CRB1: variants seen among roughly 807,000 people sequenced by gnomAD.
The protein encoded by CRB1 is protein crumbs homolog 1.
Under a neutral mutation model 120.0 loss-of-function variants are expected in CRB1, and 83 were observed. The observed-to-expected ratio is 0.69, with a 90% confidence interval of 0.58 to 0.83. The LOEUF (loss-of-function observed/expected upper bound fraction) is 0.83. CRB1 is among the 40% of genes least tolerant of loss of function. The probability of loss-of-function intolerance (pLI) is 0.00; values close to 1 mark genes in which losing one functional copy is unlikely to be tolerated. For synonymous variants in CRB1, 625 were observed against 612.5 expected (o/e 1.02, Z -0.30); for missense variants, 1,699 against 1,687.6 (o/e 1.01, Z -0.12).
chr1:197,405,228 G>A (rs986488334), intron 5 of CRB1, among the ~76,000 whole-genome samples: 6 of 152,258 alleles, frequency 3.9e-5, no homozygotes, highest in Admixed American at 1.3e-4. Context: ...GGCGCGCGCC[G>A]CCACGCCTGA....
intron 1 of CRB1, among the ~76,000 whole-genome samples, chr1:197,283,337 A>G (rs1449479269): frequency 6.6e-6 from 1 of 151,506 alleles, no homozygotes. Flanking sequence ...TGGTGCACCC[A>G]TCACCTCAGC....
chr1:197,305,608 G>A (rs771249738), intron 1 of CRB1, among the ~76,000 whole-genome samples: 15 of 151,556 alleles, frequency 9.9e-5, no homozygotes, highest in East Asian at 1.9e-4. Flanking sequence ...TTTTATGAGC[G>A]TCCTTTTACA....
At position 197,421,490 on chromosome 1, in the gene CRB1, G is replaced by A. The variant is rs1331836407; in HGVS notation, c.1662G>A (p.Val554=). The A allele has an allele frequency of 6.2e-7, 1 of 1,614,188 alleles. No individual in the cohort carries two copies. The highest frequency in any genetic ancestry group is 1.7e-5 in the Admixed American group (1 of 60,024). Residue 554 remains valine, a synonymous_variant, in exon 6 of 12, where the codon GTG becomes GTA. Coordinates refer to ENST00000367400, the MANE Select transcript of CRB1 (RefSeq NM_201253.3). ...TTCAGGTCAATAATCAGTCAAAGGTGCTTCTGTTCATTTCCCACAACACCA... is the reference window on the plus strand; with the variant it reads ...TTCAGGTCAATAATCAGTCAAAGGTACTTCTGTTCATTTCCCACAACACCA... ...LSIQVNNQSK[V]LLFISHNTSD...
At chr1:197,300,356 C>G (rs1656792856) in intron 1 of CRB1, among the ~76,000 whole-genome samples, 1 of 151,896 alleles carries the variant, frequency 6.6e-6, no homozygotes, top group African/African-American at 2.4e-5. Flanking sequence ...AATTGCTACT[C>G]CAGTTCACAC....
At chr1:197,450,830 A>G (rs1284125498) in intron 11 of CRB1, among the ~76,000 whole-genome samples, 10 of 142,956 alleles carry the variant, frequency 7.0e-5, no homozygotes, top group Admixed American at 2.1e-4. Context: ...CGTGGTGGCC[A>G]GCGCCTGTAG....
At chr1:197,427,382 C>G in intron 6 of CRB1, 72 bp from the exon 7 acceptor site, 5 of 1,399,220 alleles carry the variant, frequency 3.6e-6, no homozygotes, top group South Asian at 2.3e-5. Flanking sequence ...TTTTCGTCTT[C>G]CATCCCTTCT....
chr1:197,382,409 G>T (rs1158588792), intron 5 of CRB1, among the ~76,000 whole-genome samples: 1 of 152,102 alleles, frequency 6.6e-6, no homozygotes, highest in Non-Finnish European at 1.5e-5. Context: ...TGAAGGAATA[G>T]ATAAATGAAT....
intron 5 of CRB1, among the ~76,000 whole-genome samples, chr1:197,405,666 G>A (rs1429446436): frequency 6.6e-6 from 1 of 151,568 alleles, no homozygotes; most frequent in Non-Finnish European, 1.5e-5. Flanking sequence ...CGTCTGAGAT[G>A]TGGGGAGCGC....
At chr1:197,226,834 G>A in the CRB1 span, among the ~76,000 whole-genome samples, 1 of 152,176 alleles carries the variant, frequency 6.6e-6, no homozygotes, top group African/African-American at 2.4e-5. Flanking sequence ...GGCAGGAGGT[G>A]AAAGGCACTT....
At chr1:197,475,774 A>G (rs992762898) in intron 11 of CRB1, among the ~76,000 whole-genome samples, 33 of 151,894 alleles carry the variant, frequency 2.2e-4, no homozygotes, top group Admixed American at 2.2e-3. Flanking sequence ...TGGTCAATGT[A>G]TTGGTCAATA....
chr1:197,444,908 C>G (rs188089612), intron 11 of CRB1: 62 of 148,788 alleles, frequency 4.2e-4, no homozygotes, highest in African/African-American at 1.4e-3. Context: ...GCCATGCATA[C>G]ACACACACAC....
intron 11 of CRB1, among the ~76,000 whole-genome samples, chr1:197,474,734 T>G (rs1212726385): frequency 6.6e-6 from 1 of 152,276 alleles, no homozygotes; most frequent in Non-Finnish European, 1.5e-5. Flanking sequence ...TGTGCATGGG[T>G]GTGGGCACTC....
At chr1:197,377,807 T>C (rs1337166) in intron 5 of CRB1, among the ~76,000 whole-genome samples, 60,976 of 152,042 alleles carry the variant, frequency 0.4, 14,391 homozygotes, top group East Asian at 0.66. Flanking sequence ...GAAACCTTTT[T>C]TTATGAACTC....
intron 1 of CRB1, among the ~76,000 whole-genome samples, chr1:197,281,670 A>C (rs1655529148): frequency 6.6e-6 from 1 of 151,894 alleles, no homozygotes; most frequent in South Asian, 2.1e-4. Context: ...GAAGAAGCAG[A>C]GTGGGCTTAG....
At chr1:197,475,996 G>T (rs144732410) in intron 11 of CRB1, among the ~76,000 whole-genome samples, 3 of 151,872 alleles carry the variant, frequency 2.0e-5, no homozygotes, top group African/African-American at 7.3e-5. Flanking sequence ...ATCAACCTCC[G>T]CATCTCGGGT....
chr1:197,311,698 AGTGTGTGTGTGTGTGT>A (rs57455433), intron 1 of CRB1, among the ~76,000 whole-genome samples: 50 of 138,984 alleles, frequency 3.6e-4, no homozygotes, highest in South Asian at 1.5e-3. Context: ...TCATATAGTT[AGTGTGTGTGTGTGTGT>A]GTGTGTGTGT....
intron 6 of CRB1, chr1:197,422,725 T>C (rs940444860): frequency 3.7e-4 from 56 of 152,158 alleles, no homozygotes; most frequent in African/African-American, 1.2e-3. Flanking sequence ...TGTTTCTTTT[T>C]ATTATTATTA....
chr1:197,266,666 A>G (rs1209963525), upstream of CRB1, among the ~76,000 whole-genome samples: 1 of 152,186 alleles, frequency 6.6e-6, no homozygotes, highest in African/African-American at 2.4e-5. Context: ...CCCCATGTAT[A>G]TAATTCCTAT....
At chr1:197,229,733 T>C in the CRB1 span, among the ~76,000 whole-genome samples, 3 of 152,174 alleles carry the variant, frequency 2.0e-5, no homozygotes, top group Admixed American at 2.0e-4. Flanking sequence ...CTGCATTAAT[T>C]AGATTAGGAT....
Sources: gnomAD v4.1 joint callset for allele counts (sites outside exome capture counted in the v4.1 genomes callset) on GRCh38, gnomAD v4.1.1 for gene constraint, MANE v1.5 for transcripts, NCBI Gene and HGNC (gene_info 2026-07-23, HGNC 2026-07-21) for gene names.